The following POMGNT1 variants were observed in gnomAD, a reference collection of about 807,000 sequenced individuals.
POMGNT1 encodes the protein protein O-linked-mannose beta-1,2-N-acetylglucosaminyltransferase 1.
POMGNT1 carries 67 observed loss-of-function variants against 95.6 expected under a neutral mutation model. The ratio of observed to expected loss-of-function variants is 0.70; its 90% CI spans 0.58 to 0.86. POMGNT1 has a LOEUF of 0.86. POMGNT1 is among the 40% of genes least tolerant of loss of function. The pLI, the probability that POMGNT1 is intolerant of heterozygous loss-of-function variation, is 0.00. For missense variants in POMGNT1, 719 were observed against 855.2 expected (o/e 0.84, Z 1.99); for synonymous variants, 298 against 317.9 (o/e 0.94, Z 0.66).
Position 46,196,434 on chromosome 1 carries a change from G to A in POMGNT1, c.354+297C>T, listed in dbSNP as rs1033263623. Among the ~76,000 whole-genome samples, 1 of 152,228 alleles carries A rather than the reference G, an allele frequency of 6.6e-6. No individual in the cohort carries two copies. The highest frequency in any genetic ancestry group is 2.4e-5 in the African/African-American group (1 of 41,462). ...TCCCCAGTGCCCAGCACAAGGCTGA[G>A]GCCAAAGAAAGGACCAGGGGATGGT... is the stretch of plus-strand genomic sequence containing the variant. On this transcript the variant is annotated intron_variant, in intron 4 of 21. Transcript: ENST00000371984. This position sits in a 1 kb window ranked among gnomAD's most constrained non-coding sequence, Gnocchi z 4.4.
Position 46,189,248 on chromosome 1 carries a change from C to T in POMGNT1, c.*22G>A, listed in dbSNP as rs374145749. On this transcript the variant is annotated 3_prime_UTR_variant, in exon 22 of 22. Transcript: ENST00000371984. ...GCCTGGGGGTACACAGTACCCAGCC[C>T]CGCAGGGTCCTGGAGGAGGTCTCAT... 2.9e-5 allele frequency: 46 copies of T among 1,609,086 alleles called. 1 individual carries two copies. In the South Asian group the frequency reaches 4.3e-4, roughly 15 times the overall value.
chr1:46,191,138 G>A (rs1657737275), intron 17 of POMGNT1: 1 of 351,852 alleles, frequency 2.8e-6, no homozygotes, highest in Non-Finnish European at 5.5e-6. Flanking sequence ...AAAGGGACGG[G>A]CTGGGCTGGG....
chr1:46,196,798 C>T lies in POMGNT1; in HGVS notation c.287G>A (p.Arg96Gln), dbSNP rs200227264. 6.2e-6 allele frequency: 10 copies of T among 1,614,094 alleles called. No individual in the cohort carries two copies. The highest frequency in any genetic ancestry group is 5.3e-5 in the African/African-American group (4 of 74,938). Residue 96 changes from arginine (R) to glutamine (Q), a missense_variant, in exon 4 of 22, where the codon CGG (arginine) becomes CAG (glutamine). Arg to Gln is a conservative substitution (Grantham distance 43). Coordinates refer to ENST00000371984, the MANE Select transcript of POMGNT1 (RefSeq NM_017739.4). The surrounding 1 kb of genome is among the most constrained non-coding windows in gnomAD (Gnocchi z 4.4). ...ATACACCTCTACGTCCAGGACCCGC[C>T]GGGGACCACTGCCTCTGCGCCGTGG... ...EPPRRRGSGP[R>Q]RVLDVEVYSS...
At chr1:46,211,439 G>GCA (rs57919535) in intron 1 of POMGNT1, among the ~76,000 whole-genome samples, 1,124 of 79,010 alleles carry the variant, frequency 0.014, 21 homozygotes, top group Middle Eastern at 0.08. Flanking sequence ...ATGAAAACCT[G>GCA]CACACACACA....
intron 1 of POMGNT1, among the ~76,000 whole-genome samples, chr1:46,219,377 A>C (rs1659162756): frequency 2.0e-5 from 3 of 152,130 alleles, no homozygotes; most frequent in African/African-American, 7.2e-5. Flanking sequence ...ATTTACTGAG[A>C]CCTTCCTCTG....
chr1:46,214,378 A>G (rs1352344582), intron 1 of POMGNT1, among the ~76,000 whole-genome samples: 3 of 151,998 alleles, frequency 2.0e-5, no homozygotes, highest in Admixed American at 6.6e-5. Context: ...AGAAAAAGCA[A>G]CTTGAATGAA....
exon 1 of POMGNT1, chr1:46,219,996 C>T (rs757809172): frequency 1.4e-5 from 23 of 1,614,130 alleles, no homozygotes; most frequent in East Asian, 2.2e-5. Flanking sequence ...TGGGGCTCCA[C>T]GTTCCGAGAT....
At chr1:46,205,009 G>C (rs376881546) in intron 1 of POMGNT1, among the ~76,000 whole-genome samples, 1 of 152,118 alleles carries the variant, frequency 6.6e-6, no homozygotes. Flanking sequence ...TGTAATCCCA[G>C]CACTTTGGGA....
Position 46,188,845 on chromosome 1 carries a change from A to G in POMGNT1, c.*425T>C. The stretch of plus-strand genomic sequence containing the variant: ...CTGGGCCTGTCCATGGGTTGGGCAC[A>G]GCAGTTTCCTGAGTAAGAGCCAGCC... On this transcript the variant is annotated 3_prime_UTR_variant, in exon 22 of 22. Coordinates refer to ENST00000371984, the MANE Select transcript of POMGNT1 (RefSeq NM_017739.4). 1 of 1,612,924 alleles carries G rather than the reference A, an allele frequency of 6.2e-7. No individual in the cohort carries two copies. Among genetic ancestry groups the G allele is most frequent in the Non-Finnish European group, 8.5e-7 (1 of 1,179,896 alleles).
intron 1 of POMGNT1, among the ~76,000 whole-genome samples, chr1:46,207,507 C>T (rs1283699142): frequency 2.6e-5 from 4 of 151,856 alleles, no homozygotes; most frequent in African/African-American, 9.7e-5. Context: ...TTTCCACTAG[C>T]GTTTGCCACA....
upstream of POMGNT1, chr1:46,203,272 G>A: frequency 2.1e-6 from 1 of 485,908 alleles, no homozygotes; most frequent in Non-Finnish European, 3.5e-6. Context: ...GGTGCTGCGC[G>A]GCTTTTCTGA....
rs1411295547 is a variant in POMGNT1, at chr1:46,190,701, C to T, written c.1604+19G>A. 6.2e-7 allele frequency: 1 copy of T among 1,606,978 alleles called. No individual in the cohort carries two copies. The highest frequency in any genetic ancestry group is 1.7e-5 in the Admixed American group (1 of 60,014). ...AAATCTCCTAGATATCCACCCCTTG[C>T]CCTGCTGCCAGCCCCAACCTGTCCA... On this transcript the variant is annotated intron_variant, in intron 18 of 21. Transcript: ENST00000371984.
intron 1 of POMGNT1, among the ~76,000 whole-genome samples, chr1:46,204,364 A>G (rs1488863982): frequency 1.3e-5 from 2 of 152,134 alleles, no homozygotes; most frequent in Non-Finnish European, 2.9e-5. Context: ...CTAGATTCAG[A>G]GCCAAAAGGG....
At chr1:46,190,930 C>A in intron 17 of POMGNT1, 146 bp from the exon 18 acceptor site, 1 of 764,184 alleles carries the variant, frequency 1.3e-6, no homozygotes, top group East Asian at 2.8e-5. Context: ...TCTCCATCCT[C>A]TTTGCAGCAT....
chr1:46,195,017 C>T, intron 6 of POMGNT1, 56 bp from the exon 7 acceptor site: 1 of 1,525,082 alleles, frequency 6.6e-7, no homozygotes, highest in Non-Finnish European at 9.1e-7. Context: ...GAGACCTGGC[C>T]TCACAGAGCA....
chr1:46,193,766 T>C (rs1657985815), intron 10 of POMGNT1, 89 bp downstream of exon 10: 3 of 1,598,272 alleles, frequency 1.9e-6, no homozygotes, highest in Non-Finnish European at 2.6e-6. Flanking sequence ...ATCTATTGCC[T>C]TTCTGCCCAC....
intron 1 of POMGNT1, among the ~76,000 whole-genome samples, chr1:46,207,970 C>T (rs1658772281): frequency 1.3e-5 from 2 of 151,950 alleles, no homozygotes; most frequent in African/African-American, 2.4e-5. Context: ...CGGGTTCAAG[C>T]GATTCTCCTG....
At chr1:46,208,640 C>G (rs1490224622) in intron 1 of POMGNT1, among the ~76,000 whole-genome samples, 1 of 151,956 alleles carries the variant, frequency 6.6e-6, no homozygotes, top group Non-Finnish European at 1.5e-5. Context: ...GTCAGGAGTT[C>G]GAGACCAGCC....
At chr1:46,195,023 G>A (rs1425153097) in intron 6 of POMGNT1, 62 bp from the exon 7 acceptor site, 11 of 1,463,798 alleles carry the variant, frequency 7.5e-6, no homozygotes, top group Middle Eastern at 3.4e-4. Context: ...TGGCCTCACA[G>A]AGCACGAACT....
Sources: allele counts gnomAD v4.1 joint callset (sites outside exome capture counted in the v4.1 genomes callset), GRCh38; gene constraint gnomAD v4.1.1; non-coding constraint Gnocchi (gnomAD v3.1); transcripts MANE v1.5; gene names NCBI Gene and HGNC (gene_info 2026-07-23, HGNC 2026-07-21).